GALNTL6: variants seen among roughly 807,000 people sequenced by gnomAD.
The protein encoded by GALNTL6 is polypeptide N-acetylgalactosaminyltransferase like 6.
In GALNTL6, 46 loss-of-function variants were observed where a neutral mutation model predicts 73.7. The observed-to-expected ratio is 0.62, with a 90% CI of 0.49 to 0.80. The LOEUF is 0.80. GALNTL6 is among the 30% of genes least tolerant of loss of function. The probability of loss-of-function intolerance (pLI) is 0.00; values close to 1 mark genes in which losing one functional copy is unlikely to be tolerated. For synonymous variants in GALNTL6, 259 were observed against 263.7 expected, an observed-to-expected ratio of 0.98 and a Z score of 0.17; for missense variants, 604 against 755.0, an observed-to-expected ratio of 0.80 and a Z score of 2.34.
At position 172,015,844 on chromosome 4, in the gene GALNTL6, T is replaced by C. The variant is rs142004358; in HGVS notation, c.138+201126T>C. Among the ~76,000 whole-genome samples the C allele has an allele frequency of 1.5e-3, 232 of 152,010 alleles. 1 individual carries two copies. The Middle Eastern group carries it at 0.017, about 11-fold the overall frequency. On this transcript the variant is annotated intron_variant, in intron 2 of 12. Coordinates refer to ENST00000506823, the MANE Select transcript of GALNTL6 (RefSeq NM_001034845.3). ...ATTCTTGGCTGACAATTATTTTCTT[T>C]CAGGAGGCTAAAGATAGGACCCCAA...
At chr4:172,358,214 G>C (rs1239497836) in intron 5 of GALNTL6, among the ~76,000 whole-genome samples, 1 of 152,166 alleles carries the variant, frequency 6.6e-6, no homozygotes, top group Non-Finnish European at 1.5e-5. Flanking sequence ...AGCCCTTGAG[G>C]CCTTGCAAAG....
At chr4:171,984,182 G>A in intron 2 of GALNTL6, among the ~76,000 whole-genome samples, 1 of 152,140 alleles carries the variant, frequency 6.6e-6, no homozygotes, top group Admixed American at 6.5e-5. Context: ...CCCTTGGCCA[G>A]GTCCCCACTT....
chr4:172,576,245 A>T (rs1736951163), intron 5 of GALNTL6, among the ~76,000 whole-genome samples: 1 of 152,164 alleles, frequency 6.6e-6, no homozygotes, highest in Non-Finnish European at 1.5e-5. Context: ...GCAAGATGGG[A>T]CCAGGAACCG....
At chr4:172,331,375 G>A (rs528200750) in intron 4 of GALNTL6, among the ~76,000 whole-genome samples, 13 of 150,454 alleles carry the variant, frequency 8.6e-5, no homozygotes, top group Admixed American at 2.0e-4. Context: ...CACCTCCCAG[G>A]TTCAAGCAAT....
At chr4:172,650,350 G>A (rs922271110) in intron 5 of GALNTL6, among the ~76,000 whole-genome samples, 1 of 152,054 alleles carries the variant, frequency 6.6e-6, no homozygotes, top group Non-Finnish European at 1.5e-5. Context: ...TAAATAAATA[G>A]ATAAAAGTCG....
At chr4:171,899,947 C>A (rs1737032053) in intron 2 of GALNTL6, among the ~76,000 whole-genome samples, 1 of 152,126 alleles carries the variant, frequency 6.6e-6, no homozygotes, top group African/African-American at 2.4e-5. Context: ...TTTGGTAAGT[C>A]AAGACCTCTT....
chr4:171,831,453 A>G (rs1274088666), intron 2 of GALNTL6, among the ~76,000 whole-genome samples: 1 of 152,004 alleles, frequency 6.6e-6, no homozygotes, highest in Non-Finnish European at 1.5e-5. Flanking sequence ...TACATCAAGC[A>G]CATTAATTAT....
At chr4:172,805,494 A>G (rs756452838) in intron 5 of GALNTL6, among the ~76,000 whole-genome samples, 2 of 152,182 alleles carry the variant, frequency 1.3e-5, no homozygotes, top group Non-Finnish European at 1.5e-5. Context: ...TCATTTTTCC[A>G]TATCATCAGG....
intron 5 of GALNTL6, among the ~76,000 whole-genome samples, chr4:172,392,112 C>T (rs1010763261): frequency 8.5e-5 from 13 of 152,116 alleles, no homozygotes; most frequent in Admixed American, 2.6e-4. Context: ...CCTCAGCCTC[C>T]GGAGTAGCTG....
intron 5 of GALNTL6, among the ~76,000 whole-genome samples, chr4:172,664,353 G>A (rs1202544192): frequency 6.6e-6 from 1 of 152,100 alleles, no homozygotes; most frequent in African/African-American, 2.4e-5. Flanking sequence ...GTCCCTTTAA[G>A]TTTCAGCTTG....
At chr4:172,670,018 C>T (rs977185364) in intron 5 of GALNTL6, among the ~76,000 whole-genome samples, 14 of 152,166 alleles carry the variant, frequency 9.2e-5, no homozygotes, top group South Asian at 2.1e-4. Flanking sequence ...TGTATTGCTG[C>T]GTAGCATTCC....
chr4:172,365,480 C>A (rs4385013), intron 5 of GALNTL6, among the ~76,000 whole-genome samples: 2 of 151,756 alleles, frequency 1.3e-5, no homozygotes, highest in Non-Finnish European at 2.9e-5. Context: ...TCCAAGATGG[C>A]GATGCTCCTG....
chr4:172,847,429 T>C (rs1743574043), intron 7 of GALNTL6, among the ~76,000 whole-genome samples: 1 of 152,160 alleles, frequency 6.6e-6, no homozygotes, highest in African/African-American at 2.4e-5. Context: ...AGAAAGTTTG[T>C]ACTGATCAAT....
At chr4:172,218,433 C>T (rs1388681532) in intron 2 of GALNTL6, among the ~76,000 whole-genome samples, 1 of 152,076 alleles carries the variant, frequency 6.6e-6, no homozygotes, top group Admixed American at 6.6e-5. Context: ...TGGGGGCTCC[C>T]TAAGACTATT....
intron 2 of GALNTL6, among the ~76,000 whole-genome samples, chr4:172,148,361 C>T (rs1395899872): frequency 5.3e-5 from 8 of 152,152 alleles, no homozygotes; most frequent in Admixed American, 5.2e-4. Flanking sequence ...CAAAACATCA[C>T]TCAATTTGAC....
In GALNTL6 at chr4:172,197,926, G is replaced by A. The variant is rs1051399532; in HGVS notation, c.139-31730G>A. 8.5e-5 allele frequency among the ~76,000 whole-genome samples: 13 copies of A among 152,178 alleles called. 1 individual carries two copies. Among genetic ancestry groups the A allele is most frequent in the East Asian group, 1.9e-4 (1 of 5,172 alleles). ...AGATCGAGACCATCCTGGCTAACACGGTGAAACCCCGTCTCTACTAAAAAT... is the reference window on the plus strand; with the variant it reads ...AGATCGAGACCATCCTGGCTAACACAGTGAAACCCCGTCTCTACTAAAAAT... On this transcript the variant is annotated intron_variant, in intron 2 of 12. Transcript: ENST00000506823.
chr4:172,749,927 C>T (rs1412644007), intron 5 of GALNTL6, among the ~76,000 whole-genome samples: 1 of 152,064 alleles, frequency 6.6e-6, no homozygotes, highest in Admixed American at 6.6e-5. Context: ...CTTTTTTCAA[C>T]TATATCCTTA....
At chr4:172,620,506 G>A (rs183629510) in intron 5 of GALNTL6, among the ~76,000 whole-genome samples, 72 of 152,100 alleles carry the variant, frequency 4.7e-4, no homozygotes, top group African/African-American at 1.6e-3. Flanking sequence ...AATATCAATT[G>A]TTCTAACACA....
Position 172,620,079 on chromosome 4 carries a change from G to A in GALNTL6, c.554-189282G>A, listed in dbSNP as rs1437849. Among the ~76,000 whole-genome samples the A allele has an allele frequency of 7.8e-3, 1,181 of 152,114 alleles. 15 individuals carry two copies. The highest frequency in any genetic ancestry group is 0.027 in the African/African-American group (1,135 of 41,494). Reference sequence around the variant, plus strand: ...CCAACAGCACTGTCACAGTTTTCATGTTTTTAGTCTGCATTTACTAAAGAA... The same window carrying A: ...CCAACAGCACTGTCACAGTTTTCATATTTTTAGTCTGCATTTACTAAAGAA... On this transcript the variant is annotated intron_variant, in intron 5 of 12. Coordinates refer to ENST00000506823, the MANE Select transcript of GALNTL6 (RefSeq NM_001034845.3).
Sources: allele counts gnomAD v4.1 joint callset (sites outside exome capture counted in the v4.1 genomes callset), GRCh38; gene constraint gnomAD v4.1.1; transcripts MANE v1.5; gene names NCBI Gene and HGNC (gene_info 2026-07-23, HGNC 2026-07-21).